MARCHF1: variants seen among roughly 807,000 people sequenced by gnomAD.
The protein encoded by MARCHF1 is membrane associated ring-CH-type finger 1.
Under a neutral mutation model 54.2 loss-of-function variants are expected in MARCHF1, and 40 were observed. That is an observed-to-expected ratio of 0.74 (90% CI 0.57 to 0.96). The LOEUF (loss-of-function observed/expected upper bound fraction) is 0.96, where lower values mean the gene tolerates loss of function less well. MARCHF1 is among the 40% of genes least tolerant of loss of function. The pLI, the probability that MARCHF1 is intolerant of heterozygous loss-of-function variation, is 0.00. For missense variants in MARCHF1, 586 were observed against 656.5 expected (o/e 0.89, Z 1.17); for synonymous variants, 236 against 236.3 (o/e 1.00, Z 0.01).
chr4:163,850,957 T>C (rs1327996304), intron 4 of MARCHF1, among the ~76,000 whole-genome samples: 1 of 152,130 alleles, frequency 6.6e-6, no homozygotes, highest in East Asian at 1.9e-4. Context: ...TGGTGGAACA[T>C]GACATTGATG....
chr4:163,638,013 T>G (rs202116203), intron 5 of MARCHF1, among the ~76,000 whole-genome samples: 4 of 148,110 alleles, frequency 2.7e-5, no homozygotes, highest in African/African-American at 5.0e-5. Context: ...AACACCGCAT[T>G]TTCTCACTCA....
intron 2 of MARCHF1, among the ~76,000 whole-genome samples, chr4:164,025,414 C>T (rs1753745367): frequency 6.6e-6 from 1 of 151,722 alleles, no homozygotes; most frequent in Non-Finnish European, 1.5e-5. Flanking sequence ...AAAATAAAAA[C>T]AGAAATTACT....
In MARCHF1 at chr4:163,716,272, T is replaced by A. The variant is rs149263563; in HGVS notation, c.112-15409A>T. 2.8e-3 allele frequency among the ~76,000 whole-genome samples: 427 copies of A among 152,298 alleles called. 3 individuals carry two copies. Among genetic ancestry groups the A allele is most frequent in the African/African-American group, 9.8e-3 (407 of 41,570 alleles). On this transcript the variant is annotated intron_variant, in intron 4 of 9. Coordinates refer to ENST00000514618, the MANE Select transcript of MARCHF1 (RefSeq NM_001394959.1). Reference sequence around the variant, plus strand: ...ATTCAATATGTATGATAATTTGGATTTAGTCCTAATTTTAAAAATAAGTTT... The same window carrying A: ...ATTCAATATGTATGATAATTTGGATATAGTCCTAATTTTAAAAATAAGTTT...
At chr4:164,142,819 G>T (rs6831260) in intron 1 of MARCHF1, among the ~76,000 whole-genome samples, 3 of 152,078 alleles carry the variant, frequency 2.0e-5, no homozygotes, top group Non-Finnish European at 2.9e-5. Flanking sequence ...AAAGCTGGAC[G>T]GAGAATGACT....
chr4:164,096,740 C>T (rs1229856235), intron 2 of MARCHF1, among the ~76,000 whole-genome samples: 2 of 151,946 alleles, frequency 1.3e-5, no homozygotes, highest in African/African-American at 4.8e-5. Flanking sequence ...ATTAATTCAC[C>T]TTGTACCCAT....
chr4:164,156,307 A>G (rs890510981), intron 1 of MARCHF1, among the ~76,000 whole-genome samples: 9 of 152,242 alleles, frequency 5.9e-5, no homozygotes, highest in African/African-American at 2.2e-4. Flanking sequence ...TCTAGTATAT[A>G]GTCCCAAACT....
chr4:163,716,719 G>C (rs1458341152), intron 4 of MARCHF1, among the ~76,000 whole-genome samples: 1 of 152,158 alleles, frequency 6.6e-6, no homozygotes, highest in East Asian at 1.9e-4. Flanking sequence ...ATGCAGCCAT[G>C]TGCAAAAGAG....
intron 7 of MARCHF1, among the ~76,000 whole-genome samples, chr4:163,593,049 T>C (rs943311225): frequency 2.0e-5 from 3 of 152,162 alleles, no homozygotes; most frequent in African/African-American, 4.8e-5. Context: ...GCCCTCTCTA[T>C]ACTCATTGGT....
intron 3 of MARCHF1, among the ~76,000 whole-genome samples, chr4:163,919,496 T>C (rs1397253451): frequency 6.6e-6 from 1 of 151,952 alleles, no homozygotes; most frequent in Non-Finnish European, 1.5e-5. Context: ...TGATAGAGTT[T>C]ATGTGTATTT....
At chr4:163,725,924 A>G (rs1006611716) in intron 4 of MARCHF1, among the ~76,000 whole-genome samples, 2 of 152,200 alleles carry the variant, frequency 1.3e-5, no homozygotes, top group Admixed American at 6.5e-5. Context: ...ATTTCCAATC[A>G]TCTTCTAATA....
chr4:164,150,485 G>C (rs533655074), intron 1 of MARCHF1, among the ~76,000 whole-genome samples: 1 of 152,184 alleles, frequency 6.6e-6, no homozygotes, highest in Admixed American at 6.5e-5. Context: ...CTTTAAAAAA[G>C]CAGCAAAGTC....
intron 1 of MARCHF1, among the ~76,000 whole-genome samples, chr4:164,254,476 CACAT>C (rs953330664): frequency 7.3e-5 from 11 of 151,154 alleles, no homozygotes; most frequent in African/African-American, 2.2e-4. Context: ...AGTTTACACA[CACAT>C]AGTGTGTATA....
intron 1 of MARCHF1, among the ~76,000 whole-genome samples, chr4:164,250,292 G>C (rs1733086774): frequency 6.6e-6 from 1 of 151,976 alleles, no homozygotes; most frequent in Non-Finnish European, 1.5e-5. Flanking sequence ...AAAATAGAAG[G>C]CAACAATTTT....
intron 4 of MARCHF1, among the ~76,000 whole-genome samples, chr4:163,751,597 A>G (rs1746523660): frequency 7.1e-6 from 1 of 140,266 alleles, no homozygotes; most frequent in South Asian, 2.3e-4. Flanking sequence ...AAATTATAAT[A>G]TATGACCTAG....
At chr4:164,273,472 T>C (rs1733794217) in intron 1 of MARCHF1, among the ~76,000 whole-genome samples, 2 of 152,240 alleles carry the variant, frequency 1.3e-5, no homozygotes, top group South Asian at 4.1e-4. Flanking sequence ...CCTAACCATA[T>C]CAGTAGGCAT....
At chr4:164,279,360 AAAT>A (rs1193854980) in intron 1 of MARCHF1, among the ~76,000 whole-genome samples, 1 of 151,546 alleles carries the variant, frequency 6.6e-6, no homozygotes, top group East Asian at 1.9e-4. Flanking sequence ...AGTTCTTTTG[AAAT>A]AATGATAAAA....
At chr4:163,766,260 G>C (rs1415198589) in intron 4 of MARCHF1, among the ~76,000 whole-genome samples, 1 of 151,878 alleles carries the variant, frequency 6.6e-6, no homozygotes, top group Non-Finnish European at 1.5e-5. Flanking sequence ...AAATGAATAG[G>C]GTAAGCGTCA....
intron 5 of MARCHF1, among the ~76,000 whole-genome samples, chr4:163,664,026 G>A (rs1422134766): frequency 2.0e-5 from 3 of 151,612 alleles, no homozygotes; most frequent in Non-Finnish European, 4.4e-5. Flanking sequence ...TCTAACTGGA[G>A]GTTGGACACT....
At chr4:163,768,066 T>C (rs1323452913) in intron 4 of MARCHF1, among the ~76,000 whole-genome samples, 1 of 152,194 alleles carries the variant, frequency 6.6e-6, no homozygotes, top group Non-Finnish European at 1.5e-5. Context: ...TGGCTTAAAA[T>C]GACCTGCCGT....
Sources: gnomAD v4.1 joint callset for allele counts (sites outside exome capture counted in the v4.1 genomes callset) on GRCh38, gnomAD v4.1.1 for gene constraint, MANE v1.5 for transcripts, NCBI Gene and HGNC (gene_info 2026-07-23, HGNC 2026-07-21) for gene names.